Variants in HPSE2 observed in about 807,000 individuals in gnomAD.
HPSE2 encodes heparanase 2 (inactive), also known as inactive heparanase-2.
HPSE2 carries 38 observed loss-of-function variants against 60.5 expected under a neutral mutation model. The ratio of observed to expected loss-of-function variants is 0.63; its 90% CI spans 0.48 to 0.82. HPSE2 has a LOEUF of 0.82. Ranked by LOEUF, HPSE2 falls within the 40% of genes least tolerant of loss-of-function variation. The pLI is 0.00. For missense variants in HPSE2, 713 were observed against 740.4 expected (o/e 0.96, Z 0.43); for synonymous variants, 295 against 293.2 (o/e 1.01, Z -0.06).
At chr10:98,882,553 A>G (rs1953053067) in intron 3 of HPSE2, among the ~76,000 whole-genome samples, 1 of 151,994 alleles carries the variant, frequency 6.6e-6, no homozygotes, top group Non-Finnish European at 1.5e-5. Flanking sequence ...CTTATAGAAG[A>G]TCATTAGAGT....
At chr10:99,048,577 C>A (rs888939652) in intron 3 of HPSE2, among the ~76,000 whole-genome samples, 1 of 151,964 alleles carries the variant, frequency 6.6e-6, no homozygotes, top group Non-Finnish European at 1.5e-5. Flanking sequence ...GTCAAAAAAA[C>A]AAGATATATT....
chr10:99,161,218 TAA>T (rs79998038), intron 2 of HPSE2, among the ~76,000 whole-genome samples: 14 of 132,688 alleles, frequency 1.1e-4, no homozygotes, highest in Non-Finnish European at 9.8e-5. Flanking sequence ...GAGACTCTGT[TAA>T]AAAAAAAAAA....
chr10:98,722,707 T>C (rs1255428179), intron 4 of HPSE2, among the ~76,000 whole-genome samples: 1 of 152,164 alleles, frequency 6.6e-6, no homozygotes, highest in Non-Finnish European at 1.5e-5. Context: ...AAAAATTCCC[T>C]GAAACGAGCA....
chr10:98,741,033 T>C (rs1949483097), intron 4 of HPSE2, among the ~76,000 whole-genome samples: 1 of 152,146 alleles, frequency 6.6e-6, no homozygotes, highest in Admixed American at 6.5e-5. Flanking sequence ...AACAATAAAA[T>C]GTATTCTTTA....
chr10:98,807,156 AT>A (rs1289786152), intron 3 of HPSE2, among the ~76,000 whole-genome samples: 4 of 152,240 alleles, frequency 2.6e-5, no homozygotes, highest in African/African-American at 7.2e-5. Context: ...AATTAAAAAA[AT>A]AATAATAATA....
At chr10:99,248,089 G>A in the HPSE2 span, among the ~76,000 whole-genome samples, 1 of 152,198 alleles carries the variant, frequency 6.6e-6, no homozygotes, top group Non-Finnish European at 1.5e-5. Flanking sequence ...GGTACCAGGA[G>A]CAGGGTACTG....
Position 98,939,463 on chromosome 10 carries a change from A to C in HPSE2, c.611-195407T>G, listed in dbSNP as rs1408034820. On this transcript the variant is annotated intron_variant, in intron 3 of 11. Transcript: ENST00000370552. ...CTCTCATAAAACAGACTTTAAACCAAAAAGATCAAAAGAGACAAAGAAGGC... is the reference window on the plus strand; with the variant it reads ...CTCTCATAAAACAGACTTTAAACCACAAAGATCAAAAGAGACAAAGAAGGC... Among the ~76,000 whole-genome samples, 3 of 143,332 alleles carry C rather than the reference A, an allele frequency of 2.1e-5. 1 individual carries two copies. Among genetic ancestry groups the C allele is most frequent in the Admixed American group, 6.9e-5 (1 of 14,424 alleles). 94.0% of individuals were successfully genotyped at this position (143,332 alleles called of 152,430 possible).
At chr10:98,676,874 CCTG>C (rs1188062445) in intron 6 of HPSE2, among the ~76,000 whole-genome samples, 2 of 151,938 alleles carry the variant, frequency 1.3e-5, no homozygotes, top group African/African-American at 4.8e-5. Context: ...GCTTCTTTAA[CCTG>C]CTTTTAGAAA....
intron 6 of HPSE2, among the ~76,000 whole-genome samples, chr10:98,646,630 T>C (rs1946777599): frequency 6.6e-6 from 1 of 152,162 alleles, no homozygotes; most frequent in South Asian, 2.1e-4. Flanking sequence ...ATCAAGCATA[T>C]CTCTGGGGAA....
chr10:99,122,135 CCAAT>C (rs1028018828), intron 3 of HPSE2, among the ~76,000 whole-genome samples: 4 of 151,862 alleles, frequency 2.6e-5, no homozygotes, highest in Admixed American at 2.0e-4. Context: ...TAGAAGAAAA[CCAAT>C]CAAAATATTT....
chr10:98,674,374 A>G (rs1160183547), intron 6 of HPSE2, among the ~76,000 whole-genome samples: 1 of 152,246 alleles, frequency 6.6e-6, no homozygotes, highest in Non-Finnish European at 1.5e-5. Flanking sequence ...GTTGGGAATA[A>G]TGGAAAGTCC....
intron 3 of HPSE2, among the ~76,000 whole-genome samples, chr10:98,814,892 A>C (rs1951249812): frequency 2.0e-5 from 3 of 152,354 alleles, no homozygotes; most frequent in South Asian, 2.1e-4. Context: ...ATTTAAAAAC[A>C]CTCAAGAGAT....
chr10:98,778,658 C>T (rs1382360273), intron 3 of HPSE2, among the ~76,000 whole-genome samples: 1 of 151,994 alleles, frequency 6.6e-6, no homozygotes, highest in Non-Finnish European at 1.5e-5. Flanking sequence ...AAATGGATGC[C>T]GAGGCAATGC....
chr10:99,027,687 C>T (rs1957409865), intron 3 of HPSE2, among the ~76,000 whole-genome samples: 1 of 148,952 alleles, frequency 6.7e-6, no homozygotes, highest in Non-Finnish European at 1.5e-5. Context: ...ACCACCACCA[C>T]CACCACCACC....
At chr10:99,214,755 A>T (rs556410006) in intron 2 of HPSE2, among the ~76,000 whole-genome samples, 1 of 152,156 alleles carries the variant, frequency 6.6e-6, no homozygotes, top group East Asian at 1.9e-4. Context: ...AAGAAAAAAA[A>T]AACCATCAAA....
At chr10:99,194,766 A>G (rs1848336420) in intron 2 of HPSE2, among the ~76,000 whole-genome samples, 1 of 152,084 alleles carries the variant, frequency 6.6e-6, no homozygotes, top group South Asian at 2.1e-4. Context: ...TCCAGCAAAG[A>G]AAAGCCCAGA....
chr10:98,625,087 T>G (rs1946172168), intron 7 of HPSE2, among the ~76,000 whole-genome samples: 2 of 152,264 alleles, frequency 1.3e-5, no homozygotes, highest in South Asian at 4.1e-4. Flanking sequence ...GAGTAAGTGC[T>G]TCACAGGAGA....
chr10:98,609,387 C>G (rs1019036089), intron 9 of HPSE2, among the ~76,000 whole-genome samples: 4 of 152,064 alleles, frequency 2.6e-5, no homozygotes, highest in African/African-American at 9.7e-5. Context: ...TGAACATTTG[C>G]ATAGTTATTT....
At chr10:99,262,213 G>C in the HPSE2 span, among the ~76,000 whole-genome samples, 1 of 152,048 alleles carries the variant, frequency 6.6e-6, no homozygotes, top group Admixed American at 6.5e-5. Context: ...TGTTTCCCTT[G>C]CCTCCATAAC....
Sources: allele counts gnomAD v4.1 joint callset (sites outside exome capture counted in the v4.1 genomes callset), GRCh38; gene constraint gnomAD v4.1.1; transcripts MANE v1.5; gene names NCBI Gene and HGNC (gene_info 2026-07-23, HGNC 2026-07-21).